Variants in CHST9 observed in about 807,000 individuals in gnomAD.
CHST9 encodes the protein GalNAc-4-sulfotransferase 2.
Under a neutral mutation model 44.4 loss-of-function variants are expected in CHST9, and 41 were observed. The observed-to-expected ratio is 0.92, with a 90% CI of 0.72 to 1.20. The LOEUF (loss-of-function observed/expected upper bound fraction) is 1.20, where lower values mean the gene tolerates loss of function less well. CHST9 is among the 50% of genes most tolerant of loss of function. The pLI is 0.00. For missense variants in CHST9, 504 were observed against 516.5 expected (o/e 0.98, Z 0.23); for synonymous variants, 171 against 178.4 (o/e 0.96, Z 0.33).
chr18:26,941,126 G>T (rs547099716), intron 5 of CHST9, among the ~76,000 whole-genome samples: 1 of 152,132 alleles, frequency 6.6e-6, no homozygotes, highest in African/African-American at 2.4e-5. Context: ...ACTTTGTTTT[G>T]GCAGCCCTAG....
At chr18:27,041,296 TG>T (rs2057441819) in intron 3 of CHST9, among the ~76,000 whole-genome samples, 1 of 152,190 alleles carries the variant, frequency 6.6e-6, no homozygotes, top group Non-Finnish European at 1.5e-5. Context: ...CATATTTAAT[TG>T]AAGATGAAAG....
At chr18:27,158,050 T>C (rs1004454536) in intron 1 of CHST9, among the ~76,000 whole-genome samples, 3 of 152,062 alleles carry the variant, frequency 2.0e-5, no homozygotes, top group East Asian at 1.9e-4. Context: ...TTACAAAATA[T>C]AGATAAGGGA....
At chr18:27,180,459 T>A (rs1269468759) in intron 1 of CHST9, among the ~76,000 whole-genome samples, 1 of 152,164 alleles carries the variant, frequency 6.6e-6, no homozygotes, top group Non-Finnish European at 1.5e-5. Context: ...GATCACAGTC[T>A]GGTCCACGAT....
intron 2 of CHST9, among the ~76,000 whole-genome samples, chr18:27,089,127 TTC>T (rs1431655882): frequency 1.3e-5 from 2 of 151,888 alleles, no homozygotes; most frequent in Non-Finnish European, 2.9e-5. Context: ...CTTCCTCTTT[TTC>T]TCTTTCTTTC....
At chr18:27,140,966 C>A (rs1051501123) in intron 2 of CHST9, among the ~76,000 whole-genome samples, 4 of 152,132 alleles carry the variant, frequency 2.6e-5, no homozygotes, top group Non-Finnish European at 4.4e-5. Context: ...AAATTAAATA[C>A]ATCAAAAGTG....
At chr18:27,110,298 T>TC (rs1329813782) in intron 2 of CHST9, among the ~76,000 whole-genome samples, 2 of 152,176 alleles carry the variant, frequency 1.3e-5, no homozygotes, top group South Asian at 2.1e-4. Context: ...TGTGATGATT[T>TC]TTTTTTTCTA....
intron 2 of CHST9, among the ~76,000 whole-genome samples, chr18:27,091,164 C>T (rs1054920345): frequency 5.3e-5 from 8 of 152,072 alleles, no homozygotes; most frequent in African/African-American, 1.9e-4. Flanking sequence ...CCTTCACGTC[C>T]CTTGTAAGTT....
Position 27,114,859 on chromosome 18 carries a change from G to A in CHST9, c.121+27830C>T, listed in dbSNP as rs138138146. Among the ~76,000 whole-genome samples, 14 of 152,170 alleles carry A rather than the reference G, an allele frequency of 9.2e-5. No individual in the cohort carries two copies. In the East Asian group the frequency reaches 9.6e-4, roughly 10 times the overall value. On this transcript the variant is annotated intron_variant, in intron 2 of 5. Transcript: ENST00000618847. ...TATGCAGAATACCACATTTGGATAC[G>A]TGGGTACTGATGTGATTTGGCTGTG...
chr18:26,948,196 A>G lies in CHST9; in HGVS notation c.203-3830T>C, dbSNP rs185209051. ...CTCACTCATAAGTGGGAGCTGAACAATGAGAACACATGGGCACAGGGAGGG... is the reference window on the plus strand; with the variant it reads ...CTCACTCATAAGTGGGAGCTGAACAGTGAGAACACATGGGCACAGGGAGGG... On this transcript the variant is annotated intron_variant, in intron 4 of 5. Transcript: ENST00000618847. Among the ~76,000 whole-genome samples, 127 of 152,278 alleles carry G rather than the reference A, an allele frequency of 8.3e-4. 2 individuals are homozygous for G. The East Asian group carries it at 0.023, about 27-fold the overall frequency.
chr18:27,087,817 A>G (rs1047554853), intron 2 of CHST9, among the ~76,000 whole-genome samples: 6 of 152,228 alleles, frequency 3.9e-5, no homozygotes, highest in Non-Finnish European at 8.8e-5. Context: ...GGCCTTTGTG[A>G]AAAGGGCATC....
intron 1 of CHST9, among the ~76,000 whole-genome samples, chr18:27,170,949 GAAT>G (rs1160391849): frequency 3.3e-5 from 5 of 152,196 alleles, no homozygotes; most frequent in Non-Finnish European, 5.9e-5. Context: ...CTGAAACTCA[GAAT>G]AACTGGGGAC....
rs538416523 is a variant in CHST9 at position 27,034,141 on chromosome 18, T to C, written c.161-9984A>G. On this transcript the variant is annotated intron_variant, in intron 3 of 5. Coordinates refer to ENST00000618847, the MANE Select transcript of CHST9 (RefSeq NM_031422.6). ...TAAGATAAATAAAATAGAAATCTCC[T>C]TTTATCCTCAGCCCCCCAAATGGAT... Among the ~76,000 whole-genome samples the C allele has an allele frequency of 4.6e-5, 7 of 152,336 alleles. No homozygotes were observed. In the South Asian group the frequency reaches 6.2e-4, roughly 14 times the overall value.
At chr18:27,072,505 T>C (rs2057851749) in intron 2 of CHST9, among the ~76,000 whole-genome samples, 1 of 152,126 alleles carries the variant, frequency 6.6e-6, no homozygotes. Flanking sequence ...GTAGGGGACA[T>C]AGGATGTGCC....
intron 3 of CHST9, among the ~76,000 whole-genome samples, chr18:27,028,701 C>A (rs1232129976): frequency 6.6e-6 from 1 of 152,112 alleles, no homozygotes; most frequent in Non-Finnish European, 1.5e-5. Context: ...GCGCCCACCA[C>A]CAGGCCCGGC....
intron 2 of CHST9, among the ~76,000 whole-genome samples, chr18:27,058,766 C>T (rs999811484): frequency 6.6e-6 from 1 of 152,160 alleles, no homozygotes; most frequent in Non-Finnish European, 1.5e-5. Context: ...CCTCAGCAAA[C>T]GCCATGTGGA....
chr18:27,132,224 TA>T (rs2058477905), intron 2 of CHST9, among the ~76,000 whole-genome samples: 1 of 152,242 alleles, frequency 6.6e-6, no homozygotes, highest in Non-Finnish European at 1.5e-5. Flanking sequence ...TAAGAGACTT[TA>T]AAAGGTTATC....
chr18:26,927,113 G>T (rs1188134259), intron 5 of CHST9, among the ~76,000 whole-genome samples: 2 of 152,186 alleles, frequency 1.3e-5, no homozygotes, highest in Non-Finnish European at 2.9e-5. Flanking sequence ...CTGACACCTT[G>T]TTCTAAAGTA....
At chr18:27,146,042 T>C (rs1487796458) in intron 1 of CHST9, among the ~76,000 whole-genome samples, 1 of 152,118 alleles carries the variant, frequency 6.6e-6, no homozygotes, top group East Asian at 1.9e-4. Context: ...TTAAAACTTA[T>C]CTCAGAAGAG....
chr18:26,990,494 G>C (rs1452799805), intron 4 of CHST9, among the ~76,000 whole-genome samples: 1 of 152,152 alleles, frequency 6.6e-6, no homozygotes, highest in Non-Finnish European at 1.5e-5. Flanking sequence ...TGCTTTAAAA[G>C]TTATATGTGT....
Sources: allele counts gnomAD v4.1 joint callset (sites outside exome capture counted in the v4.1 genomes callset), GRCh38; gene constraint gnomAD v4.1.1; transcripts MANE v1.5; gene names NCBI Gene and HGNC (gene_info 2026-07-23, HGNC 2026-07-21).